Variants in DZIP1 observed in about 807,000 individuals in gnomAD.
The protein encoded by DZIP1 is cilium assembly protein DZIP1.
DZIP1 carries 97 observed loss-of-function variants against 107.6 expected under a neutral mutation model. The observed-to-expected ratio is 0.90, with a 90% CI of 0.77 to 1.07. The LOEUF (loss-of-function observed/expected upper bound fraction) is 1.07, where lower values mean the gene tolerates loss of function less well. DZIP1 is among the 50% of genes least tolerant of loss of function. The pLI is 0.00. For synonymous variants in DZIP1, 390 were observed against 386.4 expected (o/e 1.01, Z -0.11); for missense variants, 1,035 against 1,063.6 (o/e 0.97, Z 0.37).
chr13:95,602,452 C>T (rs912708375), intron 14 of DZIP1, among the ~76,000 whole-genome samples: 1 of 152,192 alleles, frequency 6.6e-6, no homozygotes, highest in Non-Finnish European at 1.5e-5. Flanking sequence ...CATGTGGTCT[C>T]CTTTATAAGC....
intron 15 of DZIP1, among the ~76,000 whole-genome samples, chr13:95,598,670 T>C (rs1483641935): frequency 6.6e-6 from 1 of 152,118 alleles, no homozygotes; most frequent in East Asian, 1.9e-4. Flanking sequence ...TTATTATTAA[T>C]AGGAAAAAAT....
chr13:95,593,740 G>T (rs2044371515), intron 16 of DZIP1, among the ~76,000 whole-genome samples: 1 of 152,156 alleles, frequency 6.6e-6, no homozygotes, highest in South Asian at 2.1e-4. Flanking sequence ...GTTTAAATGA[G>T]TTAATATTTG....
intron 22 of DZIP1, among the ~76,000 whole-genome samples, chr13:95,583,531 CA>C (rs931888627): frequency 3.0e-4 from 46 of 151,824 alleles, no homozygotes; most frequent in African/African-American, 1.0e-3. Context: ...ATTACTTTGA[CA>C]AAAAAATTAC....
At chr13:95,611,418 G>T (rs773186394) in intron 12 of DZIP1, 27 bp downstream of exon 12, 2 of 1,605,282 alleles carry the variant, frequency 1.2e-6, no homozygotes, top group Non-Finnish European at 1.7e-6. Context: ...TCCCCTTGCC[G>T]CCAGTACCGG....
chr13:95,625,898 C>G (rs117058187), intron 7 of DZIP1, among the ~76,000 whole-genome samples: 1 of 151,244 alleles, frequency 6.6e-6, no homozygotes, highest in Non-Finnish European at 1.5e-5. Context: ...CACGGTGGAA[C>G]GATCACTTGA....
chr13:95,643,166 C>G lies in DZIP1; in HGVS notation c.-336G>C, dbSNP rs955434729. On this transcript the variant is annotated 5_prime_UTR_variant, in exon 3 of 23. Coordinates refer to ENST00000376829, the MANE Select transcript of DZIP1 (RefSeq NM_198968.4). ...TTCTGGGGGCCTCCAGTGGTTACCA[C>G]AGAGATCAATAAGCTGAGGAAAAGC... is the stretch of plus-strand genomic sequence containing the variant. The G allele has an allele frequency of 1.3e-5, 2 of 152,164 alleles. No individual in the cohort carries two copies. The highest frequency in any genetic ancestry group is 6.5e-5 in the Admixed American group (1 of 15,280). 9.4% of individuals were successfully genotyped at this position (152,164 alleles called of 1,614,324 possible).
chr13:95,613,820 C>T (rs547321916), intron 10 of DZIP1, among the ~76,000 whole-genome samples: 42 of 152,218 alleles, frequency 2.8e-4, no homozygotes, highest in Non-Finnish European at 4.7e-4. Flanking sequence ...TTGAGACAGC[C>T]GAAGGTGGGC....
At chr13:95,588,456 T>C (rs2044222905) in intron 19 of DZIP1, among the ~76,000 whole-genome samples, 1 of 152,252 alleles carries the variant, frequency 6.6e-6, no homozygotes, top group Non-Finnish European at 1.5e-5. Context: ...CATGATAAAA[T>C]TAGTCTTACT....
intron 15 of DZIP1, among the ~76,000 whole-genome samples, chr13:95,596,440 G>A (rs1191786577): frequency 6.6e-6 from 1 of 152,152 alleles, no homozygotes; most frequent in African/African-American, 2.4e-5. Context: ...TTCTGAGTTG[G>A]AAGGGAATTT....
At position 95,619,865 on chromosome 13, in the gene DZIP1, C is replaced by T; in HGVS notation, c.1173+20G>A. The T allele has an allele frequency of 6.2e-7, 1 of 1,612,410 alleles. No homozygotes were observed. The highest frequency in any genetic ancestry group is 8.5e-7 in the Non-Finnish European group (1 of 1,179,342). ...CTTTAAAAAATGGCCCACTTTAGGC[C>T]ACTGGTTTCTTAACCTTACCCGACC... On this transcript the variant is annotated intron_variant, in intron 10 of 22. Coordinates refer to ENST00000376829, the MANE Select transcript of DZIP1 (RefSeq NM_198968.4).
chr13:95,588,505 C>G (rs755496336), intron 19 of DZIP1, among the ~76,000 whole-genome samples: 1 of 152,094 alleles, frequency 6.6e-6, no homozygotes, highest in Non-Finnish European at 1.5e-5. Flanking sequence ...TATTGAGTAC[C>G]CACAAGTGCC....
In DZIP1 at chr13:95,582,253, C is replaced by A; in HGVS notation, c.2585G>T (p.Ser862Ile). The part of the protein sequence containing the change: ...KSSLVTVTDW[S>I]DTSDV ...GTGGAATTAGACATCTGAAGTGTCG[C>A]TCCAATCAGTCACAGTTACTAAGCT... Residue 862 changes from serine to isoleucine, a missense_variant, in exon 23 of 23, where the codon AGC (serine) becomes ATC (isoleucine). Physicochemically the swap from Ser to Ile is moderately radical, Grantham distance 142 (BLOSUM62 -2). Transcript: ENST00000376829. 1 of 1,614,130 alleles carries A rather than the reference C, an allele frequency of 6.2e-7. No individual in the cohort carries two copies. Among genetic ancestry groups the A allele is most frequent in the Non-Finnish European group, 8.5e-7 (1 of 1,179,998 alleles).
At position 95,641,607 on chromosome 13, in the gene DZIP1, G is replaced by GT; in HGVS notation, c.284dup (p.Asn95LysfsTer110). 1.2e-6 allele frequency: 2 copies of GT among 1,612,758 alleles called. No homozygotes were observed. Among genetic ancestry groups the GT allele is most frequent in the Non-Finnish European group, 1.7e-6 (2 of 1,180,034 alleles). The stretch of plus-strand genomic sequence containing the variant: ...CGTCTTCCAGCTTGCAGAAGGTGAT[G>GT]TTCATGATGTTCTCCTGCAGCGTCA... On this transcript the variant is annotated frameshift_variant, in exon 5 of 23. Transcript: ENST00000376829. LOFTEE classifies it high-confidence loss of function. The surrounding 1 kb of genome is among the most constrained non-coding windows in gnomAD (Gnocchi z 4.3).
chr13:95,586,178 A>T (rs1319751331), intron 20 of DZIP1, 42 bp from the exon 21 acceptor site: 1 of 1,522,152 alleles, frequency 6.6e-7, no homozygotes, highest in African/African-American at 1.4e-5. Context: ...GTATTTAAAA[A>T]TTTAATCTAT....
At chr13:95,632,375 T>G (rs1877292252) in intron 6 of DZIP1, among the ~76,000 whole-genome samples, 1 of 152,124 alleles carries the variant, frequency 6.6e-6, no homozygotes, top group Non-Finnish European at 1.5e-5. Context: ...GCATCACCAT[T>G]CACCCAAACA....
intron 12 of DZIP1, among the ~76,000 whole-genome samples, chr13:95,610,023 A>G (rs1441089219): frequency 6.7e-6 from 1 of 148,436 alleles, no homozygotes; most frequent in African/African-American, 2.5e-5. Context: ...TTCTTTTGCA[A>G]AGTCAGCTCT....
intron 22 of DZIP1, among the ~76,000 whole-genome samples, chr13:95,584,358 G>A (rs1033540339): frequency 6.6e-6 from 1 of 151,878 alleles, no homozygotes; most frequent in Admixed American, 6.6e-5. Flanking sequence ...CACTCTGGGA[G>A]GCCGAAGTGG....
chr13:95,600,586 TAGATGATAGATA>T (rs749978312), intron 14 of DZIP1, among the ~76,000 whole-genome samples: 73 of 146,542 alleles, frequency 5.0e-4, no homozygotes, highest in South Asian at 1.5e-3. Flanking sequence ...GATAGATAGA[TAGATGATAGATA>T]GATAGATAGA....
intron 10 of DZIP1, 101 bp from the exon 11 acceptor site, chr13:95,612,278 G>GTT (rs2045037580): frequency 5.3e-6 from 7 of 1,326,636 alleles, no homozygotes; most frequent in Non-Finnish European, 7.2e-6. Context: ...TTGCTAGCCT[G>GTT]ATGCTATCCG....
Sources: gnomAD v4.1 joint callset for allele counts (sites outside exome capture counted in the v4.1 genomes callset) on GRCh38, gnomAD v4.1.1 for gene constraint, Gnocchi (gnomAD v3.1) non-coding constraint, MANE v1.5 for transcripts, NCBI Gene and HGNC (gene_info 2026-07-23, HGNC 2026-07-21) for gene names.